The following ATP9A variants were observed in gnomAD, a reference collection of about 807,000 sequenced individuals.
ATP9A encodes probable phospholipid-transporting ATPase IIA.
In ATP9A, 52 loss-of-function variants were observed where a neutral mutation model predicts 144.1. That is an observed-to-expected ratio of 0.36 (90% confidence interval 0.29 to 0.45). ATP9A has a LOEUF of 0.45. Among genes scored for constraint, ATP9A ranks in the 20% least tolerant of loss-of-function variants. The pLI is 1.00. For missense variants in ATP9A, 947 were observed against 1,392.7 expected, an observed-to-expected ratio of 0.68 and a Z score of 5.09; for synonymous variants, 582 against 557.4, an observed-to-expected ratio of 1.04 and a Z score of -0.62.
chr20:51,694,063 G>A lies in ATP9A; in HGVS notation c.587C>T (p.Thr196Met), dbSNP rs758734749. The change falls in exon 7 of 28, where the codon ACG (threonine) becomes ATG (methionine). Residue 196 changes from threonine to methionine, a missense_variant. This residue lies in a region of ATP9A where 770 missense variants were observed against 1,047.9 expected (regional missense o/e 0.73). Coordinates refer to ENST00000338821, the MANE Select transcript of ATP9A (RefSeq NM_006045.3). ...FLRTDQLDGE[T>M]DWKLRLPVAC... ...CACGGGAAGCCGCAGCTTCCAGTCC[G>A]TCTCCCCATCCAGCTGATCCGTCCG... The A allele has an allele frequency of 8.1e-6, 13 of 1,613,942 alleles. No homozygotes were observed. Among genetic ancestry groups the A allele is most frequent in the South Asian group, 1.1e-5 (1 of 91,080 alleles).
chr20:51,748,590 T>C (rs189868080), intron 1 of ATP9A, among the ~76,000 whole-genome samples: 205 of 152,230 alleles, frequency 1.3e-3, no homozygotes, highest in Admixed American at 3.4e-3. Flanking sequence ...ATCTTAATAA[T>C]GGCAAGGATG....
rs751369065 is a variant in ATP9A, at chr20:51,618,745, A to G, written c.2267T>C (p.Val756Ala). The change falls in exon 21 of 28, where the codon GTC becomes GCC. Residue 756 changes from valine to alanine, a missense_variant. This residue lies in a region of ATP9A where 770 missense variants were observed against 1,047.9 expected (regional missense o/e 0.73). Coordinates refer to ENST00000338821, the MANE Select transcript of ATP9A (RefSeq NM_006045.3). ...CTGGGTGGGGGCACATCGGCAGCAG[A>G]CTACGGCCGGGCACTGGCAGGCCAG... ...MELACQCPAV[V>A]CCRCAPTQKA... The G allele has an allele frequency of 6.2e-7, 1 of 1,611,038 alleles. No individual in the cohort carries two copies. The highest frequency in any genetic ancestry group is 1.1e-5 in the South Asian group (1 of 90,684).
At chr20:51,663,474 A>T (rs906321564) in intron 13 of ATP9A, among the ~76,000 whole-genome samples, 1 of 152,192 alleles carries the variant, frequency 6.6e-6, no homozygotes. Context: ...CATGTCCCAG[A>T]GAAAACCACA....
At position 51,607,628 on chromosome 20, in the gene ATP9A, G is replaced by T. The variant is rs747583567; in HGVS notation, c.2746-44C>A. ...AAGGTTAGAGCCGGTTTCGCGGGGG[G>T]CTCACGCAGCATGCCATCAGCTTTC... On this transcript the variant is annotated intron_variant, in intron 25 of 27. Transcript: ENST00000338821. 51 of 1,467,272 alleles carry T rather than the reference G, an allele frequency of 3.5e-5. 1 individual carries two copies. The highest frequency in any genetic ancestry group is 4.7e-5 in the Non-Finnish European group (49 of 1,049,678). 90.9% of individuals were successfully genotyped at this position (1,467,272 alleles called of 1,614,324 possible). A position where few individuals can be genotyped will look rare whatever the true frequency, so the allele number is the denominator to read the frequency against.
At chr20:51,679,513 C>A (rs779674993) in intron 9 of ATP9A, among the ~76,000 whole-genome samples, 1 of 152,070 alleles carries the variant, frequency 6.6e-6, no homozygotes, top group Non-Finnish European at 1.5e-5. Context: ...AATCCTCTGC[C>A]CAATTTGTAA....
chr20:51,695,405 G>T (rs1238566423), intron 6 of ATP9A, among the ~76,000 whole-genome samples: 1 of 148,502 alleles, frequency 6.7e-6, no homozygotes, highest in Non-Finnish European at 1.5e-5. Context: ...AGAGGTTGAG[G>T]TAAGCCGAGA....
At chr20:51,640,623 G>A (rs567031122) in intron 14 of ATP9A, among the ~76,000 whole-genome samples, 88 of 152,342 alleles carry the variant, frequency 5.8e-4, no homozygotes, top group African/African-American at 2.0e-3. Flanking sequence ...TCCCTTCCAA[G>A]AGTCATCGCA....
intron 9 of ATP9A, among the ~76,000 whole-genome samples, chr20:51,686,596 C>T (rs2077524201): frequency 6.6e-6 from 1 of 152,046 alleles, no homozygotes; most frequent in South Asian, 2.1e-4. Flanking sequence ...TAAGAATTAG[C>T]TGACAGGTAG....
chr20:51,613,525 T>G, intron 23 of ATP9A, 152 bp downstream of exon 23: 1 of 845,098 alleles, frequency 1.2e-6, no homozygotes, highest in South Asian at 2.6e-5. Context: ...ACTGGCGAGG[T>G]AGGGGTGACA....
At position 51,731,878 on chromosome 20, in the gene ATP9A, C is replaced by T. The variant is rs114293269; in HGVS notation, c.69-1900G>A. On this transcript the variant is annotated intron_variant, in intron 1 of 27. Coordinates refer to ENST00000338821, the MANE Select transcript of ATP9A (RefSeq NM_006045.3). ...ACAGCTGCTAGTTCCACCAAGATTG[C>T]TATATAAAGGAAAAGGGGGAGCGGG... 2.0e-3 allele frequency among the ~76,000 whole-genome samples: 306 copies of T among 152,220 alleles called. 2 individuals carry two copies. The highest frequency in any genetic ancestry group is 6.8e-3 in the Middle Eastern group (2 of 294).
chr20:51,617,572 CAG>C lies in ATP9A; in HGVS notation c.2351-20_2351-19del, dbSNP rs2077208445. The C allele has an allele frequency of 6.2e-7, 1 of 1,609,224 alleles. No homozygotes were observed. Among genetic ancestry groups the C allele is most frequent in the African/African-American group, 1.3e-5 (1 of 74,812 alleles). ...TCCGTCCCCTGCGAGCCACACAGAC[CAG>C]AGAGAAAAGATGTTTCATTCTTACC... On this transcript the variant is annotated intron_variant, in intron 21 of 27. Transcript: ENST00000338821.
intron 14 of ATP9A, 34 bp from the exon 15 acceptor site, chr20:51,639,538 C>T: frequency 6.3e-7 from 1 of 1,575,362 alleles, no homozygotes; most frequent in Non-Finnish European, 8.6e-7. Flanking sequence ...GTCAGATGCC[C>T]AGCCGAGAAT....
chr20:51,606,640 C>A (rs1414766279), intron 26 of ATP9A, among the ~76,000 whole-genome samples: 1 of 152,182 alleles, frequency 6.6e-6, no homozygotes, highest in Non-Finnish European at 1.5e-5. Context: ...CAGCACCCGA[C>A]AGGATCCACA....
At position 51,674,376 on chromosome 20, in the gene ATP9A, C is replaced by T. The variant is rs1413400758; in HGVS notation, c.877-63G>A. On this transcript the variant is annotated intron_variant, in intron 10 of 27. Coordinates refer to ENST00000338821, the MANE Select transcript of ATP9A (RefSeq NM_006045.3). ...TGGTGTAACTAATCTCAAACCTAAA[C>T]CAGGAGGTGGAGGCTGCAGTGAGCT... is the stretch of plus-strand genomic sequence containing the variant. The T allele has an allele frequency of 1.5e-5, 24 of 1,565,332 alleles. No homozygotes were observed. In the South Asian group the frequency reaches 2.5e-4, roughly 16 times the overall value.
At chr20:51,690,001 A>G (rs1170017243) in intron 8 of ATP9A, among the ~76,000 whole-genome samples, 11 of 150,754 alleles carry the variant, frequency 7.3e-5, no homozygotes, top group Admixed American at 6.0e-4. Context: ...AATCCCAGCT[A>G]CTCAGGAAGC....
At chr20:51,627,746 G>T in intron 16 of ATP9A, 63 bp from the exon 17 acceptor site, 2 of 1,372,906 alleles carry the variant, frequency 1.5e-6, no homozygotes, top group South Asian at 2.3e-5. Flanking sequence ...ACTGGGGAAG[G>T]ACCAGTGCCC....
At chr20:51,638,680 C>T (rs1312596372) in intron 15 of ATP9A, among the ~76,000 whole-genome samples, 9 of 152,076 alleles carry the variant, frequency 5.9e-5, no homozygotes, top group Non-Finnish European at 7.4e-5. Flanking sequence ...CTGGGCAGCA[C>T]AGTGAAACCC....
At chr20:51,671,017 T>C in intron 12 of ATP9A, 98 bp downstream of exon 12, 3 of 1,351,184 alleles carry the variant, frequency 2.2e-6, no homozygotes, top group Non-Finnish European at 3.1e-6. Flanking sequence ...GCAACACGCA[T>C]CTCTCATATG....
intron 19 of ATP9A, among the ~76,000 whole-genome samples, chr20:51,621,006 G>GT (rs2077224640): frequency 6.6e-6 from 1 of 152,080 alleles, no homozygotes; most frequent in Admixed American, 6.6e-5. Context: ...AATTAGCCAG[G>GT]TGTGGTGGCA....
Sources: allele counts gnomAD v4.1 joint callset (sites outside exome capture counted in the v4.1 genomes callset), GRCh38; gene constraint gnomAD v4.1.1; regional missense constraint gnomAD v4.1.1; transcripts MANE v1.5; gene names NCBI Gene and HGNC (gene_info 2026-07-23, HGNC 2026-07-21).